ADAMTSL3: variants seen among roughly 807,000 people sequenced by gnomAD.
The protein encoded by ADAMTSL3 is ADAMTS-like protein 3.
A neutral mutation model predicts 201.7 loss-of-function variants in ADAMTSL3; 128 were observed. The observed-to-expected ratio is 0.63, with a 90% CI of 0.55 to 0.73. The LOEUF (loss-of-function observed/expected upper bound fraction) is 0.73. Among genes scored for constraint, ADAMTSL3 ranks in the 30% least tolerant of loss-of-function variants. ADAMTSL3 has a pLI of 0.00. For synonymous variants in ADAMTSL3, 738 were observed against 748.4 expected (o/e 0.99, Z 0.23); for missense variants, 1,990 against 2,119.6 (o/e 0.94, Z 1.20).
At chr15:83,965,389 C>A (rs1461050401) in intron 19 of ADAMTSL3, among the ~76,000 whole-genome samples, 1 of 149,194 alleles carries the variant, frequency 6.7e-6, no homozygotes, top group East Asian at 2.0e-4. Context: ...CAGTCCTAGT[C>A]TCTGATAAAA....
intron 5 of ADAMTSL3, among the ~76,000 whole-genome samples, chr15:83,807,142 G>T (rs1369673926): frequency 2.0e-5 from 3 of 152,176 alleles, no homozygotes; most frequent in African/African-American, 7.2e-5. Context: ...GAAGGTAAAA[G>T]ATCTTTGCAT....
intron 5 of ADAMTSL3, among the ~76,000 whole-genome samples, chr15:83,812,036 A>G (rs989237179): frequency 1.3e-5 from 2 of 152,236 alleles, no homozygotes; most frequent in African/African-American, 4.8e-5. Flanking sequence ...TTATGCAAGT[A>G]TATTCCTGAA....
intron 16 of ADAMTSL3, among the ~76,000 whole-genome samples, chr15:83,917,117 G>T (rs8042099): frequency 0.02 from 3,038 of 152,246 alleles, 108 homozygotes; most frequent in African/African-American, 0.069. Flanking sequence ...ACAATAAAAT[G>T]AAATTTACAC....
chr15:83,835,817 G>A (rs2064258703), intron 6 of ADAMTSL3, among the ~76,000 whole-genome samples: 2 of 152,168 alleles, frequency 1.3e-5, no homozygotes, highest in Non-Finnish European at 2.9e-5. Context: ...CTGGGCTTTT[G>A]TTGTTGTTGT....
chr15:84,016,515 CT>C lies in ADAMTSL3; in HGVS notation c.4273+20del. ...CCGCCTCAAGGTCTGGGATTTTGAC[CT>C]TTTCAGATTTGCTATGTGTGAGGCA... On this transcript the variant is annotated intron_variant, in intron 25 of 29. Transcript: ENST00000286744. 6.2e-7 allele frequency: 1 copy of C among 1,600,594 alleles called. No individual in the cohort carries two copies. Among genetic ancestry groups the C allele is most frequent in the Non-Finnish European group, 8.6e-7 (1 of 1,168,152 alleles).
chr15:83,758,048 C>T (rs2062748882), intron 3 of ADAMTSL3, among the ~76,000 whole-genome samples: 1 of 152,170 alleles, frequency 6.6e-6, no homozygotes, highest in Admixed American at 6.5e-5. Flanking sequence ...ACTTTCCTGT[C>T]TTCTTCTGAG....
intron 19 of ADAMTSL3, among the ~76,000 whole-genome samples, chr15:83,966,610 C>G (rs2067093693): frequency 6.6e-6 from 1 of 152,032 alleles, no homozygotes; most frequent in East Asian, 1.9e-4. Flanking sequence ...CAAAGAGGAG[C>G]TTGGTACCAT....
chr15:83,865,072 C>T (rs2064946231), intron 8 of ADAMTSL3, among the ~76,000 whole-genome samples: 1 of 152,104 alleles, frequency 6.6e-6, no homozygotes, highest in African/African-American at 2.4e-5. Flanking sequence ...TGAAGGACCT[C>T]TTCAAGGAGA....
At chr15:84,010,284 C>T (rs2141883554) in intron 23 of ADAMTSL3, among the ~76,000 whole-genome samples, 1 of 152,174 alleles carries the variant, frequency 6.6e-6, no homozygotes, top group South Asian at 2.1e-4. Flanking sequence ...TTTTTCTCTT[C>T]CTAGCTAGTA....
chr15:83,898,021 A>G lies in ADAMTSL3; in HGVS notation c.1615+16A>G. The G allele has an allele frequency of 1.9e-6, 3 of 1,602,180 alleles. No individual in the cohort carries two copies. The highest frequency in any genetic ancestry group is 2.6e-6 in the Non-Finnish European group (3 of 1,172,378). On this transcript the variant is annotated intron_variant, in intron 14 of 29. Coordinates refer to ENST00000286744, the MANE Select transcript of ADAMTSL3 (RefSeq NM_207517.3). Reference sequence around the variant, plus strand: ...AAACCAAAAGGTAAGTCTGTGGTGCACTGTAAATTCAAATCAAATGGTATT... The same window carrying G: ...AAACCAAAAGGTAAGTCTGTGGTGCGCTGTAAATTCAAATCAAATGGTATT...
chr15:83,938,258 A>G lies in ADAMTSL3; in HGVS notation c.2118-4338A>G, dbSNP rs541084490. Reference sequence around the variant, plus strand: ...TAAATAGGTGATGCACTCACCACCAATGCCTGGTCCCATATACCACTTCCA... The same window carrying G: ...TAAATAGGTGATGCACTCACCACCAGTGCCTGGTCCCATATACCACTTCCA... On this transcript the variant is annotated intron_variant, in intron 17 of 29. Coordinates refer to ENST00000286744, the MANE Select transcript of ADAMTSL3 (RefSeq NM_207517.3). 5.2e-4 allele frequency among the ~76,000 whole-genome samples: 79 copies of G among 152,260 alleles called. 1 individual carries two copies. Among genetic ancestry groups the G allele is most frequent in the African/African-American group, 1.8e-3 (75 of 41,566 alleles).
chr15:84,022,225 C>T (rs972607145), intron 26 of ADAMTSL3, among the ~76,000 whole-genome samples: 2 of 152,070 alleles, frequency 1.3e-5, no homozygotes, highest in African/African-American at 4.8e-5. Context: ...AAAGTCCAAG[C>T]CGTCATTTTT....
At chr15:84,017,329 G>C (rs1198238105) in intron 25 of ADAMTSL3, among the ~76,000 whole-genome samples, 4 of 152,152 alleles carry the variant, frequency 2.6e-5, no homozygotes, top group Non-Finnish European at 4.4e-5. Flanking sequence ...GTGTTAGCCA[G>C]GATGATCTCG....
At chr15:83,968,456 A>G (rs1284186832) in intron 19 of ADAMTSL3, among the ~76,000 whole-genome samples, 1 of 152,244 alleles carries the variant, frequency 6.6e-6, no homozygotes, top group Non-Finnish European at 1.5e-5. Flanking sequence ...TCAAAACCAC[A>G]ATGAGATACC....
intron 8 of ADAMTSL3, among the ~76,000 whole-genome samples, chr15:83,859,349 G>A (rs2064808131): frequency 2.0e-5 from 3 of 152,176 alleles, no homozygotes. Context: ...CCTTGGGCGT[G>A]ATCTCCTCCA....
intron 16 of ADAMTSL3, among the ~76,000 whole-genome samples, chr15:83,918,286 T>C (rs2066074719): frequency 6.6e-6 from 1 of 152,256 alleles, no homozygotes; most frequent in South Asian, 2.1e-4. Context: ...TGTATGTTTC[T>C]ATGTGCCAGG....
At chr15:83,755,457 C>G in intron 3 of ADAMTSL3, among the ~76,000 whole-genome samples, 1 of 151,092 alleles carries the variant, frequency 6.6e-6, no homozygotes, top group East Asian at 1.9e-4. Flanking sequence ...CACCATTCTA[C>G]TTTCTGTCTC....
intron 5 of ADAMTSL3, among the ~76,000 whole-genome samples, chr15:83,808,276 A>G (rs942467368): frequency 4.4e-4 from 67 of 152,212 alleles, no homozygotes; most frequent in African/African-American, 1.4e-3. Context: ...CAAACAACTC[A>G]ATAGCAAAGA....
chr15:83,971,703 C>T (rs2067200356), intron 20 of ADAMTSL3, among the ~76,000 whole-genome samples: 2 of 151,034 alleles, frequency 1.3e-5, no homozygotes. Context: ...AGGTAGGGAA[C>T]AGGCATAGTG....
Sources: allele counts gnomAD v4.1 joint callset (sites outside exome capture counted in the v4.1 genomes callset), GRCh38; gene constraint gnomAD v4.1.1; transcripts MANE v1.5; gene names NCBI Gene and HGNC (gene_info 2026-07-23, HGNC 2026-07-21).